The following LRP10 variants were observed in gnomAD, a reference collection of about 807,000 sequenced individuals.
LRP10 encodes the protein LDL receptor related protein 10, also known as low-density lipoprotein receptor-related protein 10.
In LRP10, 42 loss-of-function variants were observed where a neutral mutation model predicts 58.5. The observed-to-expected ratio is 0.72, with a 90% CI of 0.56 to 0.93. The LOEUF (loss-of-function observed/expected upper bound fraction) is 0.93. LRP10 is among the 40% of genes least tolerant of loss of function. The pLI is 0.00. For synonymous variants in LRP10, 377 were observed against 388.5 expected (o/e 0.97, Z 0.35); for missense variants, 872 against 940.1 (o/e 0.93, Z 0.95).
chr14:22,877,780 T>G lies in LRP10; in HGVS notation c.*253T>G. 1 of 395,230 alleles carries G rather than the reference T, an allele frequency of 2.5e-6. No individual in the cohort carries two copies. Among genetic ancestry groups the G allele is most frequent in the Non-Finnish European group, 4.5e-6 (1 of 223,190 alleles). 24.5% of individuals were successfully genotyped at this position (395,230 alleles called of 1,614,324 possible). ...CCCCAGTCCCTTCACCACCACCTGC[T>G]CCCCACGCCACCACCATTTGGGTGG... On this transcript the variant is annotated 3_prime_UTR_variant, in exon 7 of 7. Transcript: ENST00000359591. The surrounding 1 kb of genome is among the most constrained non-coding windows in gnomAD (Gnocchi z 5.1).
chr14:22,877,374 G>A lies in LRP10; in HGVS notation c.1989G>A (p.Leu663=), dbSNP rs1254787356. The part of the protein sequence containing the change: ...GVVQALRGRL[L]PSLGPPGPTR... The stretch of plus-strand genomic sequence containing the variant: ...TGCAGGCCCTGCGAGGCCGCCTGTT[G>A]CCCAGCCTGGGGCCCCCAGGACCAA... Residue 663 remains leucine (L), a synonymous_variant, in exon 7 of 7, where the codon TTG becomes TTA. Coordinates refer to ENST00000359591, the MANE Select transcript of LRP10 (RefSeq NM_014045.5). This position sits in a 1 kb window ranked among gnomAD's most constrained non-coding sequence, Gnocchi z 5.1. The A allele has an allele frequency of 1.2e-6, 2 of 1,613,586 alleles. No individual in the cohort carries two copies. Among genetic ancestry groups the A allele is most frequent in the Non-Finnish European group, 1.7e-6 (2 of 1,179,854 alleles).
rs1566495368 is a variant in LRP10 at position 22,878,784 on chromosome 14, G to A, written c.*1257G>A. The A allele has an allele frequency of 3.2e-5, 6 of 185,792 alleles. No individual in the cohort carries two copies. In the South Asian group the frequency reaches 6.4e-4, roughly 20 times the overall value. The allele number at this position is 185,792 out of a possible 1,614,324, so 11.5% of individuals were successfully genotyped here. A position where few individuals can be genotyped will look rare whatever the true frequency, so the allele number is the denominator to read the frequency against. ...GGCAAGGGTTATAGGAAAGACCCTG[G>A]GCCTGAGAGCACAAGCAGCGGCCAG... On this transcript the variant is annotated 3_prime_UTR_variant, in exon 7 of 7. Transcript: ENST00000359591.
At position 22,875,975 on chromosome 14, in the gene LRP10, G is replaced by A. The variant is rs1050136609; in HGVS notation, c.1027G>A (p.Asp343Asn). 8 of 1,613,302 alleles carry A rather than the reference G, an allele frequency of 5.0e-6. No homozygotes were observed. Among genetic ancestry groups the A allele is most frequent in the African/African-American group, 4.0e-5 (3 of 74,940 alleles). ...GGCACAGCGCTGTGACGGCTCATGG[G>A]ACTGTGCTGACGGCACAGATGAGGA... Reference protein sequence around the residue: ...SEAQRCDGSWDCADGTDEEDC... With the variant: ...SEAQRCDGSWNCADGTDEEDC... Residue 343 changes from aspartate to asparagine, a missense_variant, in exon 5 of 7, where the codon GAC becomes AAC. Coordinates refer to ENST00000359591, the MANE Select transcript of LRP10 (RefSeq NM_014045.5).
Position 22,876,056 on chromosome 14 carries a change from G to A in LRP10, c.1108G>A (p.Gly370Ser), listed in dbSNP as rs755590008. ...CCCCTGTGGGGCTGCTGGCACCTCT[G>A]GTGCCACAGCCTGCTACCTGCCTGC... ...HFPCGAAGTS[G>S]ATACYLPADR... is the part of the protein sequence containing the mutation. Residue 370 changes from glycine (G) to serine (S), a missense_variant, in exon 5 of 7, where the codon GGT (glycine) becomes AGT (serine). Physicochemically the swap from Gly to Ser is moderately conservative, Grantham distance 56 (BLOSUM62 0). Coordinates refer to ENST00000359591, the MANE Select transcript of LRP10 (RefSeq NM_014045.5). The A allele has an allele frequency of 5.6e-6, 9 of 1,613,444 alleles. No homozygotes were observed. Among genetic ancestry groups the A allele is most frequent in the Non-Finnish European group, 7.6e-6 (9 of 1,179,838 alleles).
intron 1 of LRP10, 129 bp from the exon 2 acceptor site, chr14:22,872,609 T>A: frequency 1.1e-6 from 1 of 893,544 alleles, no homozygotes; most frequent in Non-Finnish European, 1.8e-6. Context: ...CGCAGCCCTC[T>A]CCCGCCCCCC....
At chr14:22,875,323 C>T in intron 4 of LRP10, 32 bp from the exon 5 acceptor site, 1 of 1,594,506 alleles carries the variant, frequency 6.3e-7, no homozygotes, top group Non-Finnish European at 8.6e-7. Context: ...GGTTCTGGTG[C>T]TTCACAGCCC....
rs1404801760 is a variant in LRP10 at position 22,872,034 on chromosome 14, G to T, written c.-270G>T. The T allele has an allele frequency of 1.8e-6, 1 of 569,314 alleles. No individual in the cohort carries two copies. The highest frequency in any genetic ancestry group is 3.1e-6 in the Non-Finnish European group (1 of 320,434). The allele number at this position is 569,314 out of a possible 1,614,324, so 35.3% of individuals were successfully genotyped here. On this transcript the variant is annotated 5_prime_UTR_variant, in exon 1 of 7. Transcript: ENST00000359591. ...GGGCGCGCCCCAGTGCCGAGACCCG[G>T]GGCTTCAGGAGCCGGCCCCGGGAGA... is the stretch of plus-strand genomic sequence containing the variant.
chr14:22,876,269 G>A lies in LRP10; in HGVS notation c.1321G>A (p.Val441Ile). ...CTGCTCCTATGTTCTGCCCCGCAAGGTCATTACAGCTGCAGTCATTGGCAG... is the reference window on the plus strand; with the variant it reads ...CTGCTCCTATGTTCTGCCCCGCAAGATCATTACAGCTGCAGTCATTGGCAG... ...WDCSYVLPRK[V>I]ITAAVIGSLV... The change falls in exon 5 of 7, where the codon GTC becomes ATC. Residue 441 changes from valine (V) to isoleucine (I), a missense_variant. Physicochemically the swap from Val to Ile is conservative, Grantham distance 29 (BLOSUM62 3). Coordinates refer to ENST00000359591, the MANE Select transcript of LRP10 (RefSeq NM_014045.5). The A allele has an allele frequency of 6.2e-7, 1 of 1,614,170 alleles. No homozygotes were observed. Among genetic ancestry groups the A allele is most frequent in the Non-Finnish European group, 8.5e-7 (1 of 1,180,042 alleles).
rs1395455510 is a variant in LRP10 at position 22,877,016 on chromosome 14, C to T, written c.1631C>T (p.Ala544Val). The stretch of plus-strand genomic sequence containing the variant: ...ATGACTCCAGGAGGTGGCCCAGGTG[C>T]CCGCCGTCGTCAGCGGGGCCGCTTG... ...QDMTPGGGPG[A>V]RRRQRGRLMR... Residue 544 changes from alanine (A) to valine (V), a missense_variant, in exon 7 of 7, where the codon GCC (alanine) becomes GTC (valine). Transcript: ENST00000359591. This position sits in a 1 kb window ranked among gnomAD's most constrained non-coding sequence, Gnocchi z 5.1. 6.2e-7 allele frequency: 1 copy of T among 1,611,876 alleles called. No individual in the cohort carries two copies. Among genetic ancestry groups the T allele is most frequent in the Non-Finnish European group, 8.5e-7 (1 of 1,179,024 alleles).
Position 22,879,332 on chromosome 14 carries a change from T to C in LRP10, c.*1805T>C. On this transcript the variant is annotated 3_prime_UTR_variant, in exon 7 of 7. Coordinates refer to ENST00000359591, the MANE Select transcript of LRP10 (RefSeq NM_014045.5). ...TCTCCAGAGACTGGGGAGAGGGCTCTGGAGAACCTGGTTCTTGCTTACTGT... is the reference window on the plus strand; with the variant it reads ...TCTCCAGAGACTGGGGAGAGGGCTCCGGAGAACCTGGTTCTTGCTTACTGT... The C allele has an allele frequency of 2.8e-6, 1 of 362,732 alleles. No individual in the cohort carries two copies. The highest frequency in any genetic ancestry group is 5.8e-6 in the Non-Finnish European group (1 of 171,412). The allele number at this position is 362,732 out of a possible 1,614,324, so 22.5% of individuals were successfully genotyped here.
rs866416212 is a variant in LRP10, at chr14:22,877,303, C to G, written c.1918C>G (p.Pro640Ala). 7 of 1,611,740 alleles carry G rather than the reference C, an allele frequency of 4.3e-6. No individual in the cohort carries two copies. Among genetic ancestry groups the G allele is most frequent in the Non-Finnish European group, 5.9e-6 (7 of 1,178,834 alleles). ...APTTVPEAPGPLPSLPLEPSL... is the reference protein window; with the variant it reads ...APTTVPEAPGALPSLPLEPSL... ...CACTACTGTCCCTGAAGCCCCAGGG[C>G]CACTGCCCTCACTGCCCCTAGAGCC... is the stretch of plus-strand genomic sequence containing the variant. Residue 640 changes from proline (P) to alanine (A), a missense_variant, in exon 7 of 7, where the codon CCA becomes GCA. Transcript: ENST00000359591. The surrounding 1 kb of genome is among the most constrained non-coding windows in gnomAD (Gnocchi z 5.1).
At position 22,879,584 on chromosome 14, in the gene LRP10, G is replaced by T. The variant is rs1329200067; in HGVS notation, c.*2057G>T. 6.5e-5 allele frequency: 11 copies of T among 168,880 alleles called. No individual in the cohort carries two copies. The South Asian group carries it at 1.4e-3, about 21-fold the overall frequency. The allele number at this position is 168,880 out of a possible 1,614,324, so 10.5% of individuals were successfully genotyped here. On this transcript the variant is annotated 3_prime_UTR_variant, in exon 7 of 7. Transcript: ENST00000359591. The stretch of plus-strand genomic sequence containing the variant: ...TTCTCTCCTAGTGGTATTGCAAACT[G>T]AAAGTGGACAAAGACTTAAGGTAAA...
In LRP10 at chr14:22,876,945, A is replaced by G. The variant is rs759485846; in HGVS notation, c.1560A>G (p.Ser520=). The change falls in exon 7 of 7, where the codon TCA becomes TCG. Residue 520 remains serine, a synonymous_variant. Coordinates refer to ENST00000359591, the MANE Select transcript of LRP10 (RefSeq NM_014045.5). ...DFPTENPNDN[S]VLGNLRSLLQ... The stretch of plus-strand genomic sequence containing the variant: ...GCCTCCTCATTTCCTTGCAGAACTC[A>G]GTGCTGGGCAACCTGCGTTCTCTGC... 4 of 1,583,564 alleles carry G rather than the reference A, an allele frequency of 2.5e-6. No individual in the cohort carries two copies. In the Admixed American group the frequency reaches 7.0e-5, roughly 28 times the overall value.
intron 1 of LRP10, 45 bp downstream of exon 1, chr14:22,872,382 C>T: frequency 1.9e-6 from 3 of 1,611,846 alleles, no homozygotes; most frequent in Non-Finnish European, 2.5e-6. Context: ...TGTCACCGGG[C>T]CAGCAGCTCT....
chr14:22,876,720 G>A lies in LRP10; in HGVS notation c.1456G>A (p.Glu486Lys). ...TGCCCCCCTCTCCCGGATGGAGGCT[G>A]AGATTGTGCAGCAGCAGGCACCCCC... ...IFAPLSRMEA[E>K]IVQQQAPPSY... Residue 486 changes from glutamate to lysine, a missense_variant, in exon 6 of 7, where the codon GAG becomes AAG. Transcript: ENST00000359591. 6.2e-7 allele frequency: 1 copy of A among 1,613,980 alleles called. No individual in the cohort carries two copies. Among genetic ancestry groups the A allele is most frequent in the Non-Finnish European group, 8.5e-7 (1 of 1,179,908 alleles).
rs921141742 is a variant in LRP10, at chr14:22,873,096, G to A, written c.80-215G>A. On this transcript the variant is annotated intron_variant, in intron 2 of 6. Transcript: ENST00000359591. ...CACAAAGCAGACGTCAGAATTGTTC[G>A]TGATATTAGTATTTACTGGTGAAGC... is the stretch of plus-strand genomic sequence containing the variant. 8.1e-6 allele frequency: 5 copies of A among 619,974 alleles called. No individual in the cohort carries two copies. The African/African-American group carries it at 9.2e-5, about 11-fold the overall frequency. 38.4% of individuals were successfully genotyped at this position (619,974 alleles called of 1,614,324 possible).
rs1013864289 is a variant in LRP10 at position 22,872,884 on chromosome 14, A to T, written c.79+102A>T. On this transcript the variant is annotated intron_variant, in intron 2 of 6. Coordinates refer to ENST00000359591, the MANE Select transcript of LRP10 (RefSeq NM_014045.5). The stretch of plus-strand genomic sequence containing the variant: ...ATTCCATGGGACCTACCAAAGTTTT[A>T]GAGGGGAGATAATTTAGCCTTTATT... 7 of 1,201,444 alleles carry T rather than the reference A, an allele frequency of 5.8e-6. No individual in the cohort carries two copies. The African/African-American group carries it at 1.1e-4, about 18-fold the overall frequency. 74.4% of individuals were successfully genotyped at this position (1,201,444 alleles called of 1,614,324 possible). A position where few individuals can be genotyped will look rare whatever the true frequency, so the allele number is the denominator to read the frequency against.
intron 2 of LRP10, 170 bp from the exon 3 acceptor site, chr14:22,873,141 A>G: frequency 1.3e-6 from 1 of 744,742 alleles, no homozygotes; most frequent in South Asian, 1.9e-5. Flanking sequence ...TGTGGAGAGA[A>G]AGAGCGAAGC....
At chr14:22,872,570 C>G (rs1056143804) in intron 1 of LRP10, among the ~76,000 whole-genome samples, 168 bp from the exon 2 acceptor site, 2 of 151,964 alleles carry the variant, frequency 1.3e-5, no homozygotes, top group Non-Finnish European at 2.9e-5. Flanking sequence ...GCCCTGCTGC[C>G]GGACCTTCCT....
Sources: allele counts gnomAD v4.1 joint callset (sites outside exome capture counted in the v4.1 genomes callset), GRCh38; gene constraint gnomAD v4.1.1; non-coding constraint Gnocchi (gnomAD v3.1); transcripts MANE v1.5; gene names NCBI Gene and HGNC (gene_info 2026-07-23, HGNC 2026-07-21).